NKAIN2: variants seen among roughly 807,000 people sequenced by gnomAD.
The protein encoded by NKAIN2 is sodium/potassium transporting ATPase interacting 2.
A neutral mutation model predicts 32.6 loss-of-function variants in NKAIN2; 14 were observed. The ratio of observed to expected loss-of-function variants is 0.43; its 90% CI spans 0.28 to 0.67. The LOEUF (loss-of-function observed/expected upper bound fraction) is 0.67, where lower values mean the gene tolerates loss of function less well. Among genes scored for constraint, NKAIN2 ranks in the 30% least tolerant of loss-of-function variants. The pLI, the probability that NKAIN2 is intolerant of heterozygous loss-of-function variation, is 0.17. For synonymous variants in NKAIN2, 80 were observed against 87.2 expected (o/e 0.92, Z 0.46); for missense variants, 198 against 258.3 (o/e 0.77, Z 1.60).
At chr6:124,604,465 C>A (rs1474154014) in intron 3 of NKAIN2, among the ~76,000 whole-genome samples, 1 of 151,728 alleles carries the variant, frequency 6.6e-6, no homozygotes, top group Non-Finnish European at 1.5e-5. Context: ...GTGTCTCTGT[C>A]TCTCTCCCTC....
At chr6:124,651,419 C>A (rs1439742950) in intron 3 of NKAIN2, among the ~76,000 whole-genome samples, 1 of 152,210 alleles carries the variant, frequency 6.6e-6, no homozygotes, top group Admixed American at 6.5e-5. Context: ...CTAATCATTG[C>A]TTAGTGACTC....
At chr6:124,057,815 C>A (rs1782730170) in intron 1 of NKAIN2, among the ~76,000 whole-genome samples, 1 of 151,938 alleles carries the variant, frequency 6.6e-6, no homozygotes, top group African/African-American at 2.4e-5. Context: ...AATATAGAAC[C>A]TAAAATCCTC....
chr6:124,609,695 C>A (rs1017542761), intron 3 of NKAIN2, among the ~76,000 whole-genome samples: 1 of 151,944 alleles, frequency 6.6e-6, no homozygotes, highest in Non-Finnish European at 1.5e-5. Context: ...TTTACATGAA[C>A]GCAACATGCC....
chr6:124,043,604 T>C (rs1781976730), intron 1 of NKAIN2, among the ~76,000 whole-genome samples: 1 of 152,188 alleles, frequency 6.6e-6, no homozygotes, highest in African/African-American at 2.4e-5. Context: ...AAAATAATAC[T>C]TCTTAAAACA....
intron 3 of NKAIN2, among the ~76,000 whole-genome samples, chr6:124,453,844 A>C (rs945064012): frequency 6.6e-6 from 1 of 152,120 alleles, no homozygotes; most frequent in Non-Finnish European, 1.5e-5. Flanking sequence ...TAGACCCATC[A>C]TATAGTTAAA....
intron 1 of NKAIN2, among the ~76,000 whole-genome samples, chr6:123,929,212 C>A (rs945230122): frequency 6.6e-6 from 1 of 152,048 alleles, no homozygotes; most frequent in African/African-American, 2.4e-5. Context: ...TATACTTCAG[C>A]AAATAATGTT....
At chr6:124,265,757 A>G (rs1269392539) in intron 1 of NKAIN2, among the ~76,000 whole-genome samples, 1 of 150,856 alleles carries the variant, frequency 6.6e-6, no homozygotes, top group Non-Finnish European at 1.5e-5. Context: ...CAGCAAGGCA[A>G]TCAGCCCCCT....
chr6:124,615,354 A>G (rs1782846910), intron 3 of NKAIN2, among the ~76,000 whole-genome samples: 1 of 152,212 alleles, frequency 6.6e-6, no homozygotes, highest in Admixed American at 6.5e-5. Context: ...TGATGCCAAC[A>G]AAGTTAATTG....
Position 124,529,348 on chromosome 6 carries a change from G to C in NKAIN2, c.274-128838G>C, listed in dbSNP as rs556257975. On this transcript the variant is annotated intron_variant, in intron 3 of 6. Transcript: ENST00000368417. ...TCACCAAGACTTCCCTTCTCTTTCT[G>C]TTTGTGCATTGGCTTCACTTAGGCA... Among the ~76,000 whole-genome samples, 3 of 152,260 alleles carry C rather than the reference G, an allele frequency of 2.0e-5. No homozygotes were observed. The South Asian group carries it at 6.2e-4, about 32-fold the overall frequency.
At chr6:124,062,967 G>A (rs1393563645) in intron 1 of NKAIN2, among the ~76,000 whole-genome samples, 1 of 152,020 alleles carries the variant, frequency 6.6e-6, no homozygotes, top group Non-Finnish European at 1.5e-5. Flanking sequence ...GGCCAAGGAG[G>A]GTGGATCACG....
At chr6:124,336,037 T>C (rs2115065128) in intron 2 of NKAIN2, among the ~76,000 whole-genome samples, 1 of 152,314 alleles carries the variant, frequency 6.6e-6, no homozygotes, top group African/African-American at 2.4e-5. Flanking sequence ...GGTGTTTCTC[T>C]AGAAAACAAG....
intron 4 of NKAIN2, among the ~76,000 whole-genome samples, chr6:124,759,147 C>T (rs906750721): frequency 1.3e-5 from 2 of 152,138 alleles, no homozygotes; most frequent in Non-Finnish European, 2.9e-5. Context: ...CTCTACAGAA[C>T]ACCTCCTGCA....
chr6:124,554,781 C>A (rs1780414091), intron 3 of NKAIN2, among the ~76,000 whole-genome samples: 1 of 152,148 alleles, frequency 6.6e-6, no homozygotes, highest in Non-Finnish European at 1.5e-5. Context: ...GTTCTTTCTT[C>A]TTCCGAGATG....
At chr6:124,635,172 C>G (rs1783727239) in intron 3 of NKAIN2, among the ~76,000 whole-genome samples, 1 of 151,864 alleles carries the variant, frequency 6.6e-6, no homozygotes, top group Non-Finnish European at 1.5e-5. Flanking sequence ...TAAAGTTTTA[C>G]TCAGAGAAGC....
intron 3 of NKAIN2, among the ~76,000 whole-genome samples, chr6:124,439,629 GT>G (rs149607757): frequency 1.2e-4 from 17 of 144,232 alleles, no homozygotes; most frequent in East Asian, 4.1e-4. Flanking sequence ...ATTTGTTTCC[GT>G]TTTTTTTTTA....
intron 1 of NKAIN2, among the ~76,000 whole-genome samples, chr6:123,815,681 A>G (rs1402868965): frequency 6.6e-6 from 1 of 152,168 alleles, no homozygotes; most frequent in South Asian, 2.1e-4. Flanking sequence ...CTGCCATTTC[A>G]TGAAGAGCTT....
intron 3 of NKAIN2, among the ~76,000 whole-genome samples, chr6:124,405,803 C>T (rs1439244413): frequency 1.3e-5 from 2 of 152,106 alleles, no homozygotes; most frequent in Non-Finnish European, 1.5e-5. Flanking sequence ...ATACATTTTG[C>T]ATTGCCTGGA....
intron 3 of NKAIN2, among the ~76,000 whole-genome samples, chr6:124,596,832 A>T (rs1782112699): frequency 6.6e-6 from 1 of 152,162 alleles, no homozygotes; most frequent in Non-Finnish European, 1.5e-5. Flanking sequence ...ATAGAGGCTG[A>T]CAAGTCAAGA....
In NKAIN2 at chr6:124,119,017, C is replaced by G. The variant is rs1051382383; in HGVS notation, c.55-163988C>G. The stretch of plus-strand genomic sequence containing the variant: ...GATTTTATTCACATTAGAGATTCAT[C>G]TAGTCTGTAACTTCTCAGAGCAAAT... On this transcript the variant is annotated intron_variant, in intron 1 of 6. Coordinates refer to ENST00000368417, the MANE Select transcript of NKAIN2 (RefSeq NM_001040214.3). 6.5e-4 allele frequency among the ~76,000 whole-genome samples: 99 copies of G among 152,168 alleles called. 1 individual carries two copies. The highest frequency in any genetic ancestry group is 2.0e-3 in the African/African-American group (85 of 41,546).
Sources: gnomAD v4.1 joint callset for allele counts (sites outside exome capture counted in the v4.1 genomes callset) on GRCh38, gnomAD v4.1.1 for gene constraint, MANE v1.5 for transcripts, NCBI Gene and HGNC (gene_info 2026-07-23, HGNC 2026-07-21) for gene names.